Variants in ARHGEF10 observed in about 807,000 individuals in gnomAD.
ARHGEF10 encodes Rho guanine nucleotide exchange factor (GEF) 10.
A neutral mutation model predicts 147.4 loss-of-function variants in ARHGEF10; 140 were observed. The ratio of observed to expected loss-of-function variants is 0.95; its 90% CI spans 0.83 to 1.09. ARHGEF10 has a LOEUF of 1.09. ARHGEF10 is among the 50% of genes least tolerant of loss of function. The probability of loss-of-function intolerance (pLI) is 0.00; values close to 1 mark genes in which losing one functional copy is unlikely to be tolerated. For synonymous variants in ARHGEF10, 902 were observed against 695.8 expected, an observed-to-expected ratio of 1.30 and a Z score of -4.67; for missense variants, 2,222 against 1,752.7, an observed-to-expected ratio of 1.27 and a Z score of -4.78.
rs56034634 is a variant in ARHGEF10 at position 1,876,387 on chromosome 8, G to T, written c.680-184G>T. Reference sequence around the variant, plus strand: ...TTCCCCAGCCTCCCCGGCCCTGCCCGGGTGGTGGAGGCGCTGCACGGTGCC... The same window carrying T: ...TTCCCCAGCCTCCCCGGCCCTGCCCTGGTGGTGGAGGCGCTGCACGGTGCC... On this transcript the variant is annotated intron_variant, in intron 7 of 28. Transcript: ENST00000349830. 14 of 651,684 alleles carry T rather than the reference G, an allele frequency of 2.1e-5. 1 individual carries two copies. The highest frequency in any genetic ancestry group is 5.5e-5 in the South Asian group (3 of 54,632). 40.4% of individuals were successfully genotyped at this position (651,684 alleles called of 1,614,324 possible).
chr8:1,903,372 A>T lies in ARHGEF10; in HGVS notation c.1742A>T (p.Asn581Ile). ...TELETLAEKLNERKRDADQRC... is the reference protein window; with the variant it reads ...TELETLAEKLIERKRDADQRC... ...CTCGAAACACTAGCAGAGAAGTTAA[A>T]TGAAAGAAAGAGAGATGCTGATCAA... Residue 581 changes from asparagine to isoleucine, a missense_variant, in exon 16 of 29, where the codon AAT (asparagine) becomes ATT (isoleucine). By Grantham distance (149) the Asn-to-Ile change is moderately radical (BLOSUM62 -3). Coordinates refer to ENST00000349830, the MANE Select transcript of ARHGEF10 (RefSeq NM_014629.4). The T allele has an allele frequency of 6.2e-7, 1 of 1,614,218 alleles. No homozygotes were observed. Among genetic ancestry groups the T allele is most frequent in the Non-Finnish European group, 8.5e-7 (1 of 1,180,054 alleles).
At chr8:1,951,540 G>A (rs769663958) in intron 27 of ARHGEF10, among the ~76,000 whole-genome samples, 3 of 152,232 alleles carry the variant, frequency 2.0e-5, no homozygotes, top group Non-Finnish European at 1.5e-5. Context: ...GACCTCTGTC[G>A]ATACGGAGTC....
chr8:1,893,514 A>G (rs988819005), intron 11 of ARHGEF10, 55 bp from the exon 12 acceptor site: 34 of 1,153,104 alleles, frequency 2.9e-5, no homozygotes, highest in Non-Finnish European at 3.8e-5. Flanking sequence ...AGTAAAATGT[A>G]TCTGTGTGTA....
chr8:1,956,778 A>G lies in ARHGEF10; in HGVS notation c.3550A>G (p.Asn1184Asp). Residue 1184 changes from asparagine (N) to aspartate (D), a missense_variant, in exon 29 of 29, where the codon AAC (asparagine) becomes GAC (aspartate). By Grantham distance (23) the Asn-to-Asp change is conservative. Transcript: ENST00000349830. Reference protein sequence around the residue: ...GRGMVSYHAHNSPVKFIVLAT... With the variant: ...GRGMVSYHAHDSPVKFIVLAT... ...AGGCATGGTCTCCTACCATGCACAC[A>G]ACAGTCCTGTCAAATTCATCGTCCT... 1 of 1,614,008 alleles carries G rather than the reference A, an allele frequency of 6.2e-7. No individual in the cohort carries two copies. Among genetic ancestry groups the G allele is most frequent in the African/African-American group, 1.3e-5 (1 of 75,030 alleles).
In ARHGEF10 at chr8:1,858,131, GGTCCCCAGGTGA is replaced by G. The variant is rs1351207839; in HGVS notation, c.193+28_193+39del. On this transcript the variant is annotated intron_variant, in intron 3 of 28. Transcript: ENST00000349830. ...GCACCCACAGGTGAGTTTCCAGGAG[GGTCCCCAGGTGA>G]GTCCCCAGGTGGGTCCCCAGGTGAG... The G allele has an allele frequency of 2.1e-5, 31 of 1,482,172 alleles. No individual in the cohort carries two copies. The highest frequency in any genetic ancestry group is 7.4e-5 in the African/African-American group (4 of 54,074). 91.8% of individuals were successfully genotyped at this position (1,482,172 alleles called of 1,614,324 possible). A position where few individuals can be genotyped will look rare whatever the true frequency, so the allele number is the denominator to read the frequency against.
At position 1,908,906 on chromosome 8, in the gene ARHGEF10, C is replaced by A. The variant is rs191961745; in HGVS notation, c.1968-389C>A. Among the ~76,000 whole-genome samples, 651 of 152,252 alleles carry A rather than the reference C, an allele frequency of 4.3e-3. 3 individuals carry two copies. Among genetic ancestry groups the A allele is most frequent in the South Asian group, 0.017 (84 of 4,818 alleles). On this transcript the variant is annotated intron_variant, in intron 17 of 28. Transcript: ENST00000349830. The stretch of plus-strand genomic sequence containing the variant: ...GTGTAGCCATAAAAGAATAAAGCAG[C>A]AATTTGAGAGTTAACTCTTATGAAA...
At chr8:1,923,715 T>G (rs1273137880) in intron 20 of ARHGEF10, 59 bp from the exon 21 acceptor site, 2 of 1,613,272 alleles carry the variant, frequency 1.2e-6, no homozygotes, top group Admixed American at 3.3e-5. Flanking sequence ...ATGTGTAATT[T>G]AACCTCACAG....
chr8:1,864,805 G>A (rs1327308174), intron 5 of ARHGEF10, among the ~76,000 whole-genome samples: 1 of 152,202 alleles, frequency 6.6e-6, no homozygotes, highest in Non-Finnish European at 1.5e-5. Context: ...GGTATCTGGG[G>A]AGCAGCAGCC....
At chr8:1,905,274 C>A (rs1358565702) in intron 16 of ARHGEF10, among the ~76,000 whole-genome samples, 2 of 152,166 alleles carry the variant, frequency 1.3e-5, no homozygotes. Flanking sequence ...TTAAGATAGT[C>A]ATTTAACTAT....
At chr8:1,953,923 C>T (rs1039759255) in intron 28 of ARHGEF10, among the ~76,000 whole-genome samples, 2 of 152,192 alleles carry the variant, frequency 1.3e-5, no homozygotes, top group African/African-American at 2.4e-5. Context: ...GATTTCCTCC[C>T]AGGCCGACCT....
chr8:1,883,552 G>C (rs933675002), intron 10 of ARHGEF10, among the ~76,000 whole-genome samples: 7 of 152,154 alleles, frequency 4.6e-5, no homozygotes, highest in Admixed American at 2.0e-4. Context: ...ATGTGTAATT[G>C]GTATGACATG....
At chr8:1,882,103 C>A (rs1000805227) in intron 9 of ARHGEF10, among the ~76,000 whole-genome samples, 31 of 152,182 alleles carry the variant, frequency 2.0e-4, no homozygotes, top group African/African-American at 7.5e-4. Flanking sequence ...GACCCTCCCT[C>A]AGGTGTGTCC....
chr8:1,834,551 C>G (rs2129041295), intron 1 of ARHGEF10, among the ~76,000 whole-genome samples: 1 of 152,292 alleles, frequency 6.6e-6, no homozygotes, highest in South Asian at 2.1e-4. Context: ...TCTCCCGAGT[C>G]TTAGAGAAGA....
At chr8:1,888,454 A>T (rs1808985054) in intron 11 of ARHGEF10, among the ~76,000 whole-genome samples, 1 of 123,210 alleles carries the variant, frequency 8.1e-6, no homozygotes, top group South Asian at 2.8e-4. Context: ...GGAGGCACTG[A>T]GTGGGGTGAG....
At chr8:1,842,786 C>T (rs963564069) in intron 1 of ARHGEF10, among the ~76,000 whole-genome samples, 3 of 152,216 alleles carry the variant, frequency 2.0e-5, no homozygotes, top group Non-Finnish European at 4.4e-5. Flanking sequence ...GTCCTCGAAG[C>T]AGGGAGGGAA....
rs182011566 is a variant in ARHGEF10, at chr8:1,866,162, T to C, written c.546-364T>C. The stretch of plus-strand genomic sequence containing the variant: ...AGACGGCCCATTGCCCGCTGGCATC[T>C]CTCCCACCCAGCGTTGTGAGCAGGG... On this transcript the variant is annotated intron_variant, in intron 5 of 28. Coordinates refer to ENST00000349830, the MANE Select transcript of ARHGEF10 (RefSeq NM_014629.4). Among the ~76,000 whole-genome samples the C allele has an allele frequency of 1.5e-3, 224 of 151,974 alleles. 1 individual carries two copies. The highest frequency in any genetic ancestry group is 2.5e-3 in the Non-Finnish European group (167 of 67,962).
At chr8:1,873,746 G>A (rs1807389295) in intron 7 of ARHGEF10, among the ~76,000 whole-genome samples, 1 of 151,488 alleles carries the variant, frequency 6.6e-6, no homozygotes, top group Non-Finnish European at 1.5e-5. Context: ...GAGAGGTGCC[G>A]CGGGGTAGTG....
Position 1,896,433 on chromosome 8 carries a change from T to G in ARHGEF10, c.1541T>G (p.Phe514Cys). The G allele has an allele frequency of 6.2e-7, 1 of 1,613,580 alleles. No homozygotes were observed. The highest frequency in any genetic ancestry group is 8.5e-7 in the Non-Finnish European group (1 of 1,179,798). The change falls in exon 14 of 29, where the codon TTT (phenylalanine) becomes TGT (cysteine). Residue 514 changes from phenylalanine (F) to cysteine (C), a missense_variant. By Grantham distance (205) the Phe-to-Cys change is radical. Coordinates refer to ENST00000349830, the MANE Select transcript of ARHGEF10 (RefSeq NM_014629.4). Reference sequence around the variant, plus strand: ...AAAACATGTGCCACAAAGCCCGCTTTTCTTGAATTTTTAAAGGTAAGCGCT... The same window carrying G: ...AAAACATGTGCCACAAAGCCCGCTTGTCTTGAATTTTTAAAGGTAAGCGCT... Reference protein sequence around the residue: ...LKKTCATKPAFLEFLKQEQEA... With the variant: ...LKKTCATKPACLEFLKQEQEA...
At chr8:1,886,063 T>A (rs1808632757) in intron 11 of ARHGEF10, among the ~76,000 whole-genome samples, 1 of 152,188 alleles carries the variant, frequency 6.6e-6, no homozygotes. Context: ...TGGGTTTGTA[T>A]GGTCAGTATG....
Sources: allele counts gnomAD v4.1 joint callset (sites outside exome capture counted in the v4.1 genomes callset), GRCh38; gene constraint gnomAD v4.1.1; transcripts MANE v1.5; gene names NCBI Gene and HGNC (gene_info 2026-07-23, HGNC 2026-07-21).